The following OR10AG1 variants were observed in gnomAD, a reference collection of about 807,000 sequenced individuals.
OR10AG1 encodes the protein olfactory receptor family 10 subfamily AG member 1.
For synonymous variants in OR10AG1, 147 were observed against 128.6 expected, an observed-to-expected ratio of 1.14 and a Z score of -0.97; for missense variants, 433 against 376.5, an observed-to-expected ratio of 1.15 and a Z score of -1.24.
In OR10AG1 at chr11:55,967,445, T is replaced by C; in HGVS notation, c.*113A>G. ...CCCTTGACATAATGTAAGTTTGTAT[T>C]TAAATTTCAGTACTCATTATTGAAT... On this transcript the variant is annotated 3_prime_UTR_variant, in exon 2 of 2. Transcript: ENST00000641071. 1 of 640,598 alleles carries C rather than the reference T, an allele frequency of 1.6e-6. No homozygotes were observed. Among genetic ancestry groups the C allele is most frequent in the Non-Finnish European group, 2.7e-6 (1 of 370,784 alleles). The allele number at this position is 640,598 out of a possible 1,614,324, so 39.7% of individuals were successfully genotyped here.
At position 55,967,889 on chromosome 11, in the gene OR10AG1, A is replaced by T. The variant is rs1164616421; in HGVS notation, c.635T>A (p.Val212Glu). Residue 212 changes from valine (V) to glutamate (E), a missense_variant, in exon 2 of 2, where the codon GTA becomes GAA. Transcript: ENST00000641071. ...CACCGTGATAAACACCACCGCTACTACATGGACTGTTATCTCATTCACAAA... is the reference window on the plus strand; with the variant it reads ...CACCGTGATAAACACCACCGCTACTTCATGGACTGTTATCTCATTCACAAA... Reference protein sequence around the residue: ...NIFVNEITVHVVAVVFITVPF... With the variant: ...NIFVNEITVHEVAVVFITVPF... 1 of 1,614,076 alleles carries T rather than the reference A, an allele frequency of 6.2e-7. No homozygotes were observed.
At chr11:55,968,627 C>T (rs1852715761) in intron 1 of OR10AG1, 120 bp from the exon 2 acceptor site, 7 of 521,924 alleles carry the variant, frequency 1.3e-5, no homozygotes, top group Non-Finnish European at 1.7e-5. Flanking sequence ...TCATTTTCAC[C>T]AGTACTTGCT....
chr11:55,968,687 G>T (rs1565158515), intron 1 of OR10AG1, among the ~76,000 whole-genome samples, 180 bp from the exon 2 acceptor site: 1 of 152,072 alleles, frequency 6.6e-6, no homozygotes, highest in Non-Finnish European at 1.5e-5. Context: ...TTTAAGAAAT[G>T]AAACCTCAAT....
Position 55,967,996 on chromosome 11 carries a change from A to C in OR10AG1, c.528T>G (p.Leu176=). ...TTGTGTTAGTTCCGCAAAAGGGCAA[A>C]AGGAAAATTTGGCATGTTTCCCCAA... ...VVIGETCQIF[L]LPFCGTNTIN... is the part of the protein sequence containing the mutation. Residue 176 remains leucine (L), a synonymous_variant, in exon 2 of 2, where the codon CTT becomes CTG. Transcript: ENST00000641071. 1 of 1,614,094 alleles carries C rather than the reference A, an allele frequency of 6.2e-7. No homozygotes were observed. The highest frequency in any genetic ancestry group is 8.5e-7 in the Non-Finnish European group (1 of 1,179,998).
rs758475827 is a variant in OR10AG1, at chr11:55,968,453, A to T, written c.71T>A (p.Val24Asp). ...KSNVTTIMEF[V>D]LLGFSDIPNL... ...GGGAATATCAGAAAACCCCAAAAGA[A>T]CAAATTCCATTATTGTAGTCACATT... The change falls in exon 2 of 2, where the codon GTT becomes GAT. Residue 24 changes from valine to aspartate, a missense_variant. Coordinates refer to ENST00000641071, the MANE Select transcript of OR10AG1 (RefSeq NM_001005491.2). The T allele has an allele frequency of 1.3e-6, 2 of 1,553,400 alleles. No individual in the cohort carries two copies. Among genetic ancestry groups the T allele is most frequent in the Non-Finnish European group, 8.7e-7 (1 of 1,151,092 alleles).
rs1178234404 is a variant in OR10AG1 at position 55,967,487 on chromosome 11, TA to T, written c.*70del. On this transcript the variant is annotated 3_prime_UTR_variant, in exon 2 of 2. Transcript: ENST00000641071. ...TTATTGAATACCATAGGGACAAAGT[TA>T]AAAAAAAATTCACTGAAGCCACATG... 207 of 947,910 alleles carry T rather than the reference TA, an allele frequency of 2.2e-4. No homozygotes were observed. The highest frequency in any genetic ancestry group is 3.4e-4 in the Middle Eastern group (1 of 2,968). The allele number at this position is 947,910 out of a possible 1,614,324, so 58.7% of individuals were successfully genotyped here.
chr11:55,968,752 G>T (rs911463788), intron 1 of OR10AG1, among the ~76,000 whole-genome samples: 1 of 152,048 alleles, frequency 6.6e-6, no homozygotes, highest in South Asian at 2.1e-4. Flanking sequence ...AGCATGCATT[G>T]TTGTTTAGAA....
At position 55,967,985 on chromosome 11, in the gene OR10AG1, C is replaced by T; in HGVS notation, c.539G>A (p.Cys180Tyr). ...ETCQIFLLPFCGTNTINHFFC... is the reference protein window; with the variant it reads ...ETCQIFLLPFYGTNTINHFFC... ...GAAATGATTAATTGTGTTAGTTCCG[C>T]AAAAGGGCAAAAGGAAAATTTGGCA... The change falls in exon 2 of 2, where the codon TGC (cysteine) becomes TAC (tyrosine). Residue 180 changes from cysteine to tyrosine, a missense_variant. Transcript: ENST00000641071. 6.2e-7 allele frequency: 1 copy of T among 1,613,962 alleles called. No individual in the cohort carries two copies. Among genetic ancestry groups the T allele is most frequent in the Non-Finnish European group, 8.5e-7 (1 of 1,179,972 alleles).
At position 55,966,304 on chromosome 11, in the gene OR10AG1, A is replaced by T. The variant is rs1444939378; in HGVS notation, c.*1254T>A. 2 of 149,384 alleles carry T rather than the reference A, an allele frequency of 1.3e-5. No homozygotes were observed. The highest frequency in any genetic ancestry group is 3.0e-5 in the Non-Finnish European group (2 of 67,494). The allele number at this position is 149,384 out of a possible 1,614,324, so 9.3% of individuals were successfully genotyped here. A position where few individuals can be genotyped will look rare whatever the true frequency, so the allele number is the denominator to read the frequency against. On this transcript the variant is annotated 3_prime_UTR_variant, in exon 2 of 2. Coordinates refer to ENST00000641071, the MANE Select transcript of OR10AG1 (RefSeq NM_001005491.2). ...TATATATATATATTTTTTTTTTTAA[A>T]CAGAAGTCAATTTACTGCCCAAAAT...
chr11:55,969,626 C>T (rs1268224046), intron 1 of OR10AG1, among the ~76,000 whole-genome samples: 1 of 151,936 alleles, frequency 6.6e-6, no homozygotes, highest in East Asian at 1.9e-4. Context: ...CAGACAAATA[C>T]TATCTCATAT....
chr11:55,967,778 A>C lies in OR10AG1; in HGVS notation c.746T>G (p.Phe249Cys), dbSNP rs778917935. The C allele has an allele frequency of 6.2e-7, 1 of 1,613,924 alleles. No individual in the cohort carries two copies. The change falls in exon 2 of 2, where the codon TTC becomes TGC. Residue 249 changes from phenylalanine (F) to cysteine (C), a missense_variant. Phe to Cys is a radical substitution (Grantham distance 205). Transcript: ENST00000641071. ...LSSARGKAKA[F>C]STCSSHLIVV... ...TATTAGGTGAGATGAGCAGGTGGAG[A>C]AGGCTTTAGCCTTTCCTCTGGCTGA... is the stretch of plus-strand genomic sequence containing the variant.
At position 55,967,598 on chromosome 11, in the gene OR10AG1, A is replaced by G. The variant is rs1388326298; in HGVS notation, c.926T>C (p.Met309Thr). 1.2e-6 allele frequency: 2 copies of G among 1,601,188 alleles called. No individual in the cohort carries two copies. The highest frequency in any genetic ancestry group is 1.7e-6 in the Non-Finnish European group (2 of 1,173,280). Residue 309 changes from methionine (M) to threonine (T), a missense_variant, in exon 2 of 2, where the codon ATG becomes ACG. Transcript: ENST00000641071. ...IIYTLRNKDI[M>T]VALRKLLAKL... ...AGCTAGTAATTTTCTCAATGCCACC[A>G]TGATATCTTTGTTCCTCAGGGTATA... is the stretch of plus-strand genomic sequence containing the variant.
intron 1 of OR10AG1, among the ~76,000 whole-genome samples, chr11:55,969,597 G>A (rs61896169): frequency 0.06 from 9,145 of 152,092 alleles, 381 homozygotes; most frequent in Non-Finnish European, 0.084. Context: ...GACTTAATAC[G>A]TTGATAAATG....
In OR10AG1 at chr11:55,967,965, G is replaced by A; in HGVS notation, c.559C>T (p.His187Tyr). The change falls in exon 2 of 2, where the codon CAT (histidine) becomes TAT (tyrosine). Residue 187 changes from histidine to tyrosine, a missense_variant. Transcript: ENST00000641071. ...LPFCGTNTIN[H>Y]FFCDIPPILK... ...ATTGGCGGGATGTCACAAAAGAAATGATTAATTGTGTTAGTTCCGCAAAAG... is the reference window on the plus strand; with the variant it reads ...ATTGGCGGGATGTCACAAAAGAAATAATTAATTGTGTTAGTTCCGCAAAAG... 1 of 1,614,048 alleles carries A rather than the reference G, an allele frequency of 6.2e-7. No individual in the cohort carries two copies. The highest frequency in any genetic ancestry group is 1.6e-4 in the Middle Eastern group (1 of 6,062).
Position 55,966,208 on chromosome 11 carries a change from A to C in OR10AG1, c.*1350T>G, listed in dbSNP as rs1852686466. ...TTGAAAAAACACGTTTGTAATAACTATTGAAAATATATTACCTCTACAAGA... is the reference window on the plus strand; with the variant it reads ...TTGAAAAAACACGTTTGTAATAACTCTTGAAAATATATTACCTCTACAAGA... On this transcript the variant is annotated 3_prime_UTR_variant, in exon 2 of 2. Coordinates refer to ENST00000641071, the MANE Select transcript of OR10AG1 (RefSeq NM_001005491.2). 1 of 151,304 alleles carries C rather than the reference A, an allele frequency of 6.6e-6. No individual in the cohort carries two copies. The highest frequency in any genetic ancestry group is 2.1e-4 in the South Asian group (1 of 4,804). 9.4% of individuals were successfully genotyped at this position (151,304 alleles called of 1,614,324 possible). A position where few individuals can be genotyped will look rare whatever the true frequency, so the allele number is the denominator to read the frequency against.
intron 1 of OR10AG1, 63 bp from the exon 2 acceptor site, chr11:55,968,570 G>T: frequency 1.4e-6 from 1 of 710,494 alleles, no homozygotes; most frequent in Non-Finnish European, 2.3e-6. Flanking sequence ...TTTTCCTCTT[G>T]GGTTAACTAA....
At chr11:55,968,578 TA>T (rs1224318146) in intron 1 of OR10AG1, 71 bp from the exon 2 acceptor site, 15 of 655,536 alleles carry the variant, frequency 2.3e-5, no homozygotes, top group Non-Finnish European at 2.6e-6. Flanking sequence ...TTGGGTTAAC[TA>T]AATGAGATAC....
rs1852690257 is a variant in OR10AG1 at position 55,966,523 on chromosome 11, G to T, written c.*1035C>A. The stretch of plus-strand genomic sequence containing the variant: ...GGTGGCTTAAGGCAATAGCAGATTA[G>T]TCACTCATCAGTTCTCTAGGCTCCT... On this transcript the variant is annotated 3_prime_UTR_variant, in exon 2 of 2. Coordinates refer to ENST00000641071, the MANE Select transcript of OR10AG1 (RefSeq NM_001005491.2). 6.6e-6 allele frequency: 1 copy of T among 152,042 alleles called. No homozygotes were observed. The highest frequency in any genetic ancestry group is 6.6e-5 in the Admixed American group (1 of 15,264). 9.4% of individuals were successfully genotyped at this position (152,042 alleles called of 1,614,324 possible). A position where few individuals can be genotyped will look rare whatever the true frequency, so the allele number is the denominator to read the frequency against.
At chr11:55,969,843 T>TTGTAAC in intron 1 of OR10AG1, 49 bp downstream of exon 1, 3 of 398,118 alleles carry the variant, frequency 7.5e-6, no homozygotes, top group Non-Finnish European at 1.3e-5. Context: ...ATCCACAAAC[T>TTGTAAC]TGTAACTATT....
Sources: gnomAD v4.1 joint callset for allele counts (sites outside exome capture counted in the v4.1 genomes callset) on GRCh38, gnomAD v4.1.1 for gene constraint, MANE v1.5 for transcripts, NCBI Gene and HGNC (gene_info 2026-07-23, HGNC 2026-07-21) for gene names.